PFKFB3: variants seen among roughly 807,000 people sequenced by gnomAD.
PFKFB3 encodes the protein 6-phosphofructo-2-kinase/fructose-2,6-biphosphatase 3.
Under a neutral mutation model 68.0 loss-of-function variants are expected in PFKFB3, and 33 were observed. The ratio of observed to expected loss-of-function variants is 0.49; its 90% CI spans 0.37 to 0.65. The LOEUF (loss-of-function observed/expected upper bound fraction) is 0.65. Among genes scored for constraint, PFKFB3 ranks in the 30% least tolerant of loss-of-function variants. PFKFB3 has a pLI of 0.00. For synonymous variants in PFKFB3, 315 were observed against 288.2 expected (o/e 1.09, Z -0.94); for missense variants, 586 against 712.2 (o/e 0.82, Z 2.02).
chr10:6,206,412 T>C (rs1378842092), intron 1 of PFKFB3, among the ~76,000 whole-genome samples: 1 of 126,180 alleles, frequency 7.9e-6, no homozygotes. Flanking sequence ...TTTCCCCCCT[T>C]TCTATTCCAC....
chr10:6,172,952 C>T (rs1842357391), intron 1 of PFKFB3, among the ~76,000 whole-genome samples: 1 of 152,158 alleles, frequency 6.6e-6, no homozygotes, highest in Non-Finnish European at 1.5e-5. Context: ...ATGCTCATCT[C>T]CCACACCTTC....
At chr10:6,248,652 A>AGG (rs55848649) in intron 14 of PFKFB3, among the ~76,000 whole-genome samples, 1 of 91,580 alleles carries the variant, frequency 1.1e-5, no homozygotes, top group African/African-American at 4.1e-5. Context: ...AAAAAAAAAA[A>AGG]GGCAGGGGAT....
At chr10:6,272,062 C>T in the PFKFB3 span, among the ~76,000 whole-genome samples, 1 of 152,196 alleles carries the variant, frequency 6.6e-6, no homozygotes, top group African/African-American at 2.4e-5. Context: ...TGGTGGCTGC[C>T]ATCCAGCAGG....
the PFKFB3 span, among the ~76,000 whole-genome samples, chr10:6,266,109 A>C: frequency 6.6e-6 from 1 of 151,840 alleles, no homozygotes; most frequent in South Asian, 2.1e-4. Context: ...AGGCCTTACT[A>C]TGTTGCCCAG....
At chr10:6,326,444 A>C in the PFKFB3 span, 2 of 427,368 alleles carry the variant, frequency 4.7e-6, no homozygotes, top group Non-Finnish European at 9.3e-6. Flanking sequence ...CCAGAACTTA[A>C]AATAAAAATA....
At chr10:6,281,600 C>G in the PFKFB3 span, among the ~76,000 whole-genome samples, 1 of 152,026 alleles carries the variant, frequency 6.6e-6, no homozygotes, top group Non-Finnish European at 1.5e-5. Context: ...TTTCCCCCAC[C>G]CTCCAATTAA....
chr10:6,304,391 C>G, the PFKFB3 span, among the ~76,000 whole-genome samples: 2 of 151,502 alleles, frequency 1.3e-5, no homozygotes, highest in Non-Finnish European at 1.5e-5. Context: ...ATCCATCTAT[C>G]TTTCTGTACA....
chr10:6,216,148 G>T lies in PFKFB3; in HGVS notation c.323G>T (p.Arg108Ile). Reference protein sequence around the residue: ...VRKQCALAALRDVKSYLAKEG... With the variant: ...VRKQCALAALIDVKSYLAKEG... ...AGGCAATGTGCCTTAGCTGCCTTGA[G>T]AGATGTCAAAAGCTACCTGGCGAAA... The change falls in exon 4 of 15, where the codon AGA becomes ATA. Residue 108 changes from arginine to isoleucine, a missense_variant. Physicochemically the swap from Arg to Ile is moderately conservative, Grantham distance 97. Coordinates refer to ENST00000379775, the MANE Select transcript of PFKFB3 (RefSeq NM_004566.4). 6.2e-7 allele frequency: 1 copy of T among 1,614,182 alleles called. No homozygotes were observed. The highest frequency in any genetic ancestry group is 8.5e-7 in the Non-Finnish European group (1 of 1,180,018).
the PFKFB3 span, among the ~76,000 whole-genome samples, chr10:6,261,769 C>T: frequency 2.6e-5 from 4 of 151,984 alleles, no homozygotes; most frequent in African/African-American, 9.7e-5. Flanking sequence ...CCGAGGCAGG[C>T]AGATCACTTG....
the PFKFB3 span, among the ~76,000 whole-genome samples, chr10:6,301,175 C>A: frequency 6.6e-6 from 1 of 152,122 alleles, no homozygotes; most frequent in African/African-American, 2.4e-5. Flanking sequence ...AGGAGGCATC[C>A]ACCATTGGGC....
intron 1 of PFKFB3, among the ~76,000 whole-genome samples, chr10:6,145,982 AG>A (rs778825986): frequency 6.6e-6 from 1 of 151,980 alleles, no homozygotes; most frequent in Non-Finnish European, 1.5e-5. Context: ...AAGTGTGGGG[AG>A]GGGGGCCTCG....
chr10:6,290,938 A>T, the PFKFB3 span, among the ~76,000 whole-genome samples: 10 of 151,862 alleles, frequency 6.6e-5, no homozygotes, highest in Non-Finnish European at 1.0e-4. Flanking sequence ...TATTACTTCA[A>T]ATATTTTTTT....
intron 1 of PFKFB3, among the ~76,000 whole-genome samples, chr10:6,194,930 T>C (rs182122822): frequency 6.6e-6 from 1 of 151,782 alleles, no homozygotes; most frequent in Non-Finnish European, 1.5e-5. Context: ...TGGAATGCAG[T>C]GGCGCAATCT....
intron 1 of PFKFB3, among the ~76,000 whole-genome samples, chr10:6,177,937 G>T (rs1842578463): frequency 6.6e-6 from 1 of 152,200 alleles, no homozygotes; most frequent in South Asian, 2.1e-4. Context: ...GTGGGCACGT[G>T]GGGTGGACAC....
At chr10:6,256,849 G>A (rs148395964), downstream of PFKFB3, among the ~76,000 whole-genome samples, 919 of 152,222 alleles carry the variant, frequency 6.0e-3, 5 homozygotes, top group African/African-American at 0.021. Context: ...GGAACCGTGC[G>A]AAGGGAGACT....
At chr10:6,269,938 C>T in the PFKFB3 span, among the ~76,000 whole-genome samples, 1 of 152,014 alleles carries the variant, frequency 6.6e-6, no homozygotes, top group African/African-American at 2.4e-5. Flanking sequence ...TGAGACCAGC[C>T]TGGCCAACAT....
At chr10:6,195,209 T>G (rs1843145069) in intron 1 of PFKFB3, among the ~76,000 whole-genome samples, 1 of 152,130 alleles carries the variant, frequency 6.6e-6, no homozygotes, top group Non-Finnish European at 1.5e-5. Flanking sequence ...AAGAAGATGG[T>G]GTCAGGGTCA....
At chr10:6,244,621 C>A (rs996340432) in intron 14 of PFKFB3, among the ~76,000 whole-genome samples, 4 of 151,972 alleles carry the variant, frequency 2.6e-5, no homozygotes, top group Non-Finnish European at 5.9e-5. Flanking sequence ...TAAATTAGTT[C>A]TTTTGCAAGC....
At chr10:6,324,026 G>A in the PFKFB3 span, among the ~76,000 whole-genome samples, 1 of 152,174 alleles carries the variant, frequency 6.6e-6, no homozygotes, top group African/African-American at 2.4e-5. Flanking sequence ...TTATAGATGT[G>A]TTATTCATAA....
Sources: gnomAD v4.1 joint callset for allele counts (sites outside exome capture counted in the v4.1 genomes callset) on GRCh38, gnomAD v4.1.1 for gene constraint, MANE v1.5 for transcripts, NCBI Gene and HGNC (gene_info 2026-07-23, HGNC 2026-07-21) for gene names.